OTOGL: variants seen among roughly 807,000 people sequenced by gnomAD.
OTOGL encodes otogelin like.
In OTOGL, 285 loss-of-function variants were observed where a neutral mutation model predicts 318.5. That is an observed-to-expected ratio of 0.89 (90% CI 0.81 to 0.99). The LOEUF (loss-of-function observed/expected upper bound fraction) is 0.99. Ranked by LOEUF, OTOGL falls within the 50% of genes least tolerant of loss-of-function variation. OTOGL has a pLI of 0.00. For synonymous variants in OTOGL, 987 were observed against 936.5 expected (o/e 1.05, Z -0.99); for missense variants, 2,899 against 2,845.6 (o/e 1.02, Z -0.43).
chr12:80,219,488 A>C (rs958354809), intron 5 of OTOGL, among the ~76,000 whole-genome samples: 1 of 152,218 alleles, frequency 6.6e-6, no homozygotes, highest in African/African-American at 2.4e-5. Flanking sequence ...AATCATCTGC[A>C]GCTTGTGTAT....
intron 53 of OTOGL, 70 bp from the exon 54 acceptor site, chr12:80,367,491 A>G: frequency 8.4e-7 from 1 of 1,193,304 alleles, no homozygotes; most frequent in Non-Finnish European, 1.1e-6. Flanking sequence ...ACTCAAATAT[A>G]AGTTCCAACG....
At position 80,232,930 on chromosome 12, in the gene OTOGL, A is replaced by G. The variant is rs2137404410; in HGVS notation, c.650A>G (p.Glu217Gly). ...LPQTIGQIFI[E>G]KLADYILVKT... ...CAGACAATTGGACAGATTTTCATTG[A>G]GAAACTAGCTGACTACATTCTTGTG... Residue 217 changes from glutamate to glycine, a missense_variant, in exon 9 of 59, where the codon GAG becomes GGG. This residue lies in a region of OTOGL where 2,607 missense variants were observed against 2,524.9 expected (regional missense o/e 1.03). Coordinates refer to ENST00000547103, the MANE Select transcript of OTOGL (RefSeq NM_001378609.3). The G allele has an allele frequency of 6.3e-7, 1 of 1,599,244 alleles. No homozygotes were observed. The highest frequency in any genetic ancestry group is 1.1e-5 in the South Asian group (1 of 91,072).
At chr12:80,219,335 C>G (rs532249511) in intron 5 of OTOGL, among the ~76,000 whole-genome samples, 2 of 152,342 alleles carry the variant, frequency 1.3e-5, no homozygotes, top group Non-Finnish European at 2.9e-5. Flanking sequence ...TGGTCTCGAA[C>G]TCCTGACCTC....
chr12:80,142,435 C>T (rs992920143), intron 1 of OTOGL, among the ~76,000 whole-genome samples: 1 of 152,072 alleles, frequency 6.6e-6, no homozygotes, highest in African/African-American at 2.4e-5. Context: ...GTGAATTCTT[C>T]AATTAAAACT....
At chr12:80,250,644 A>G (rs1881459628) in intron 11 of OTOGL, among the ~76,000 whole-genome samples, 1 of 152,142 alleles carries the variant, frequency 6.6e-6, no homozygotes, top group Non-Finnish European at 1.5e-5. Flanking sequence ...TCTAAAGTTC[A>G]GTTGATTGGA....
At chr12:80,306,765 A>G (rs1426687399) in intron 29 of OTOGL, among the ~76,000 whole-genome samples, 1 of 81,048 alleles carries the variant, frequency 1.2e-5, no homozygotes, top group Non-Finnish European at 2.4e-5. Flanking sequence ...TTAAGAAGTA[A>G]CTATTTCTTT....
At chr12:80,264,236 G>A (rs1035576081) in intron 19 of OTOGL, among the ~76,000 whole-genome samples, 2 of 151,548 alleles carry the variant, frequency 1.3e-5, no homozygotes, top group African/African-American at 2.4e-5. Flanking sequence ...AATCTGAATT[G>A]TTTTGTCAAA....
intron 1 of OTOGL, among the ~76,000 whole-genome samples, chr12:80,184,273 A>G (rs1295735457): frequency 6.6e-6 from 1 of 152,228 alleles, no homozygotes; most frequent in Non-Finnish European, 1.5e-5. Flanking sequence ...TAGCCACACC[A>G]GGCTTAACTT....
intron 12 of OTOGL, 107 bp downstream of exon 12, chr12:80,251,906 G>A (rs1331865088): frequency 5.0e-6 from 6 of 1,199,466 alleles, no homozygotes; most frequent in Non-Finnish European, 6.8e-6. Flanking sequence ...GCAAGGATTT[G>A]TTATTGAGAT....
rs1592467008 is a variant in OTOGL at position 80,380,195 on chromosome 12, G to T, written c.*2147G>T. 6.6e-6 allele frequency: 1 copy of T among 151,812 alleles called. No homozygotes were observed. The allele number at this position is 151,812 out of a possible 1,614,324, so 9.4% of individuals were successfully genotyped here. On this transcript the variant is annotated 3_prime_UTR_variant, in exon 59 of 59. Coordinates refer to ENST00000547103, the MANE Select transcript of OTOGL (RefSeq NM_001378609.3). ...AGATAGGAGTTACAAAAGAAAATAG[G>T]GAAGAAATCTTAGATTGGGGAGAGC...
chr12:80,154,270 C>G (rs1003358514), intron 1 of OTOGL, among the ~76,000 whole-genome samples: 2 of 152,046 alleles, frequency 1.3e-5, no homozygotes, highest in African/African-American at 4.8e-5. Context: ...GATCATGCCA[C>G]TGCACTCCAG....
At chr12:80,340,420 GTTA>G (rs753725012) in intron 43 of OTOGL, among the ~76,000 whole-genome samples, 55 of 152,238 alleles carry the variant, frequency 3.6e-4, no homozygotes, top group African/African-American at 7.0e-4. Context: ...TAAATCAATA[GTTA>G]TTATTGAGTA....
intron 43 of OTOGL, among the ~76,000 whole-genome samples, chr12:80,341,002 T>C (rs931861988): frequency 2.6e-5 from 4 of 151,666 alleles, no homozygotes; most frequent in African/African-American, 9.7e-5. Flanking sequence ...GGTGAGGCAT[T>C]GCAACCTTTA....
chr12:80,148,549 G>A (rs575264097), intron 1 of OTOGL, among the ~76,000 whole-genome samples: 35 of 151,004 alleles, frequency 2.3e-4, no homozygotes, highest in African/African-American at 4.6e-4. Context: ...TGCTCTTCTC[G>A]AGGAGTATCT....
chr12:80,189,645 G>T (rs747291576), intron 1 of OTOGL, among the ~76,000 whole-genome samples: 27 of 152,146 alleles, frequency 1.8e-4, no homozygotes, highest in Non-Finnish European at 3.5e-4. Flanking sequence ...TAATGCCTGA[G>T]CCCCATACCT....
intron 34 of OTOGL, among the ~76,000 whole-genome samples, chr12:80,321,250 C>T (rs1281266045): frequency 2.0e-5 from 3 of 152,128 alleles, no homozygotes; most frequent in Non-Finnish European, 4.4e-5. Flanking sequence ...CTGCAGCAAG[C>T]TTCACTCCTT....
intron 57 of OTOGL, among the ~76,000 whole-genome samples, chr12:80,374,134 T>C (rs1175529292): frequency 6.6e-6 from 1 of 152,112 alleles, no homozygotes. Flanking sequence ...AAAACCAAGA[T>C]GTCAGCAGGG....
Position 80,367,592 on chromosome 12 carries a change from A to G in OTOGL, c.6363A>G (p.Val2121=). The G allele has an allele frequency of 6.5e-7, 1 of 1,543,222 alleles. No individual in the cohort carries two copies. Among genetic ancestry groups the G allele is most frequent in the Non-Finnish European group, 8.8e-7 (1 of 1,134,676 alleles). The stretch of plus-strand genomic sequence containing the variant: ...ATGATGTGTGTGTATTTCAAGAAGT[A>G]TCAGTATTGAATCCTGGACAATCCA... ...EKDDVCVFQE[V]SVLNPGQSMI... The change falls in exon 54 of 59, where the codon GTA becomes GTG. Residue 2121 remains valine (V), a synonymous_variant. Transcript: ENST00000547103.
intron 58 of OTOGL, 41 bp downstream of exon 58, chr12:80,377,243 C>T (rs1472974732): frequency 6.9e-7 from 1 of 1,459,162 alleles, no homozygotes; most frequent in Non-Finnish European, 9.4e-7. Flanking sequence ...ATGCACACAT[C>T]TTTTTAGAAA....
Sources: allele counts gnomAD v4.1 joint callset (sites outside exome capture counted in the v4.1 genomes callset), GRCh38; gene constraint gnomAD v4.1.1; regional missense constraint gnomAD v4.1.1; transcripts MANE v1.5; gene names NCBI Gene and HGNC (gene_info 2026-07-23, HGNC 2026-07-21).